The following SUMO2 variants were observed in gnomAD, a reference collection of about 807,000 sequenced individuals.
SUMO2 encodes the protein small ubiquitin-related modifier 2.
In SUMO2, 1 loss-of-function variant was observed where a neutral mutation model predicts 16.0. The ratio of observed to expected loss-of-function variants is 0.06; its 90% CI spans 0.02 to 0.30. The LOEUF (loss-of-function observed/expected upper bound fraction) is 0.30. Ranked by LOEUF, SUMO2 falls within the 10% of genes least tolerant of loss-of-function variation. The probability of loss-of-function intolerance (pLI) is 1.00; values close to 1 mark genes in which losing one functional copy is unlikely to be tolerated. For missense variants in SUMO2, 16 were observed against 117.5 expected, an observed-to-expected ratio of 0.14 and a Z score of 3.99; for synonymous variants, 36 against 40.6, an observed-to-expected ratio of 0.89 and a Z score of 0.43.
chr17:75,169,121 A>C (rs542613815), intron 3 of SUMO2, among the ~76,000 whole-genome samples: 182 of 152,020 alleles, frequency 1.2e-3, no homozygotes, highest in African/African-American at 4.1e-3. Flanking sequence ...ACTCCCAGCT[A>C]CTCAGGAAGC....
chr17:75,170,288 T>C (rs116914410), intron 3 of SUMO2, among the ~76,000 whole-genome samples: 1 of 151,910 alleles, frequency 6.6e-6, no homozygotes, highest in Non-Finnish European at 1.5e-5. Context: ...AAACCCAAAT[T>C]AGGCTGGGCG....
chr17:75,169,036 T>C lies in SUMO2; in HGVS notation c.226-635A>G, dbSNP rs560592931. ...AGAGACCGAGACCACCTGGGCAACA[T>C]AGGGAGACAACATCTCTACAAAAAA... On this transcript the variant is annotated intron_variant, in intron 3 of 3. Transcript: ENST00000420826. Among the ~76,000 whole-genome samples, 199 of 124,222 alleles carry C rather than the reference T, an allele frequency of 1.6e-3. 2 individuals are homozygous for C. The highest frequency in any genetic ancestry group is 5.5e-3 in the African/African-American group (176 of 31,932). 81.5% of individuals were successfully genotyped at this position (124,222 alleles called of 152,430 possible).
intron 3 of SUMO2, among the ~76,000 whole-genome samples, chr17:75,172,134 C>T (rs1203743553): frequency 6.6e-6 from 1 of 151,698 alleles, no homozygotes; most frequent in Admixed American, 6.6e-5. Context: ...TCTCCTGGCT[C>T]AATCTCCCGA....
chr17:75,171,927 G>A (rs2074742038), intron 3 of SUMO2, among the ~76,000 whole-genome samples: 2 of 151,638 alleles, frequency 1.3e-5, no homozygotes, highest in Non-Finnish European at 2.9e-5. Flanking sequence ...AACTGTAAAT[G>A]CCTTTAAAAA....
At chr17:75,180,957 A>T in intron 2 of SUMO2, 100 bp downstream of exon 2, 1 of 1,427,592 alleles carries the variant, frequency 7.0e-7, no homozygotes, top group South Asian at 1.3e-5. Context: ...TCATCCCATC[A>T]AAAAGTCACT....
chr17:75,169,662 C>T (rs900059200), intron 3 of SUMO2, among the ~76,000 whole-genome samples: 3 of 151,886 alleles, frequency 2.0e-5, no homozygotes, highest in East Asian at 3.9e-4. Context: ...GGATTATAGG[C>T]GTGAACCACT....
At chr17:75,180,289 G>A (rs1253209467) in intron 2 of SUMO2, among the ~76,000 whole-genome samples, 1 of 150,714 alleles carries the variant, frequency 6.6e-6, no homozygotes, top group Non-Finnish European at 1.5e-5. Context: ...ACTCCAGCCT[G>A]GGCAACAGAG....
chr17:75,168,425 G>T, intron 3 of SUMO2, 24 bp from the exon 4 acceptor site: 1 of 1,586,820 alleles, frequency 6.3e-7, no homozygotes, highest in East Asian at 2.3e-5. Flanking sequence ...AAAAACAAAT[G>T]TAAAAGCACT....
chr17:75,168,607 CTT>C (rs1005416370), intron 3 of SUMO2, among the ~76,000 whole-genome samples: 1 of 151,150 alleles, frequency 6.6e-6, no homozygotes, highest in Non-Finnish European at 1.5e-5. Flanking sequence ...TTAGATAAAA[CTT>C]TTTTGTTTTT....
At chr17:75,170,288 T>A (rs116914410) in intron 3 of SUMO2, among the ~76,000 whole-genome samples, 5,374 of 152,020 alleles carry the variant, frequency 0.035, 141 homozygotes, top group Non-Finnish European at 0.053. Flanking sequence ...AAACCCAAAT[T>A]AGGCTGGGCG....
intron 1 of SUMO2, chr17:75,182,334 C>G (rs1260103022): frequency 6.5e-6 from 1 of 152,860 alleles, no homozygotes; most frequent in African/African-American, 2.4e-5. Context: ...ACCCTCGCCC[C>G]GCCGCCGCGG....
chr17:75,178,009 A>AAAAAAAAAAAAAAAAAC, intron 2 of SUMO2, among the ~76,000 whole-genome samples: 1 of 149,266 alleles, frequency 6.7e-6, no homozygotes, highest in African/African-American at 2.5e-5. Flanking sequence ...AAAAAAAAAA[A>AAAAAAAAAAAAAAAAAC]AAGAATCGCC....
intron 1 of SUMO2, chr17:75,182,330 G>A (rs2074835492): frequency 6.6e-6 from 1 of 152,584 alleles, no homozygotes; most frequent in South Asian, 2.1e-4. Context: ...CCGAACCCTC[G>A]CCCCGCCGCC....
Position 75,169,313 on chromosome 17 carries a change from C to T in SUMO2, c.226-912G>A, listed in dbSNP as rs548998737. On this transcript the variant is annotated intron_variant, in intron 3 of 3. Coordinates refer to ENST00000420826, the MANE Select transcript of SUMO2 (RefSeq NM_006937.4). ...CAACACTTTGGGAGGCTGAAGTGGG[C>T]GGGTCACCTGAGGTCAGGAGTTCAA... 1.2e-4 allele frequency among the ~76,000 whole-genome samples: 19 copies of T among 152,066 alleles called. No homozygotes were observed. The East Asian group carries it at 1.4e-3, about 11-fold the overall frequency.
intron 3 of SUMO2, among the ~76,000 whole-genome samples, chr17:75,174,011 G>A (rs140946701): frequency 2.0e-5 from 3 of 152,270 alleles, no homozygotes; most frequent in East Asian, 1.9e-4. Flanking sequence ...CAAAGCTATG[G>A]GACGTGGCAA....
chr17:75,178,777 C>T lies in SUMO2; in HGVS notation c.153+2280G>A, dbSNP rs1246039567. Among the ~76,000 whole-genome samples, 3 of 151,958 alleles carry T rather than the reference C, an allele frequency of 2.0e-5. No individual in the cohort carries two copies. The East Asian group carries it at 5.8e-4, about 29-fold the overall frequency. Reference sequence around the variant, plus strand: ...GAGGTCTGGGCCAGGCGCAGTGGCTCATGCCTGTAAACCCAGCACTTTGGG... The same window carrying T: ...GAGGTCTGGGCCAGGCGCAGTGGCTTATGCCTGTAAACCCAGCACTTTGGG... On this transcript the variant is annotated intron_variant, in intron 2 of 3. Transcript: ENST00000420826.
intron 3 of SUMO2, among the ~76,000 whole-genome samples, chr17:75,170,587 CAAAA>C (rs1219357220): frequency 6.7e-6 from 1 of 148,190 alleles, no homozygotes; most frequent in East Asian, 2.0e-4. Flanking sequence ...AAAACAAAAA[CAAAA>C]AACACCAAAA....
intron 2 of SUMO2, among the ~76,000 whole-genome samples, chr17:75,178,509 C>CAAAAAA (rs545816366): frequency 1.3e-5 from 1 of 74,818 alleles, no homozygotes; most frequent in African/African-American, 5.6e-5. Flanking sequence ...GCGAGACTCT[C>CAAAAAA]AAAAAAAAAA....
chr17:75,168,497 C>T lies in SUMO2; in HGVS notation c.226-96G>A, dbSNP rs1008792618. 7 of 1,002,144 alleles carry T rather than the reference C, an allele frequency of 7.0e-6. 1 individual carries two copies. In the South Asian group the frequency reaches 1.2e-4, roughly 17 times the overall value. 62.1% of individuals were successfully genotyped at this position (1,002,144 alleles called of 1,614,324 possible). On this transcript the variant is annotated intron_variant, in intron 3 of 3. Coordinates refer to ENST00000420826, the MANE Select transcript of SUMO2 (RefSeq NM_006937.4). ...GTATGCTGAAAACATGTACATGTTC[C>T]ACTAAGTTCCAAGTTTCATTATTTT...
Sources: allele counts gnomAD v4.1 joint callset (sites outside exome capture counted in the v4.1 genomes callset), GRCh38; gene constraint gnomAD v4.1.1; transcripts MANE v1.5; gene names NCBI Gene and HGNC (gene_info 2026-07-23, HGNC 2026-07-21).